PHRF1: variants seen among roughly 807,000 people sequenced by gnomAD.
PHRF1 encodes PHD and RING finger domain-containing protein 1.
In PHRF1, 53 loss-of-function variants were observed where a neutral mutation model predicts 128.9. The ratio of observed to expected loss-of-function variants is 0.41; its 90% CI spans 0.33 to 0.52. The LOEUF (loss-of-function observed/expected upper bound fraction) is 0.52, where lower values mean the gene tolerates loss of function less well. Among genes scored for constraint, PHRF1 ranks in the 20% least tolerant of loss-of-function variants. The pLI, the probability that PHRF1 is intolerant of heterozygous loss-of-function variation, is 0.21. For missense variants in PHRF1, 2,503 were observed against 2,284.5 expected, an observed-to-expected ratio of 1.10 and a Z score of -1.95; for synonymous variants, 1,178 against 980.6, an observed-to-expected ratio of 1.20 and a Z score of -3.76.
At chr11:604,241 C>T (rs1367186827) in intron 10 of PHRF1, among the ~76,000 whole-genome samples, 1 of 152,162 alleles carries the variant, frequency 6.6e-6, no homozygotes, top group East Asian at 1.9e-4. Flanking sequence ...AGCTTTTTGT[C>T]CTGCATGCTG....
rs771944790 is a variant in PHRF1 at position 581,526 on chromosome 11, G to T, written c.14G>T (p.Ser5Ile). 3 of 1,613,640 alleles carry T rather than the reference G, an allele frequency of 1.9e-6. No individual in the cohort carries two copies. The highest frequency in any genetic ancestry group is 1.7e-4 in the Middle Eastern group (1 of 6,060). Residue 5 changes from serine to isoleucine, a missense_variant, in exon 2 of 18, where the codon AGC becomes ATC. Transcript: ENST00000264555. MDDD[S>I]LDELVARSPG... ...CAATGTGCAGCAATGGATGACGACA[G>T]CCTGGATGAGCTTGTGGCCCGGAGC...
At position 606,360 on chromosome 11, in the gene PHRF1, G is replaced by A. The variant is rs73398375; in HGVS notation, c.1455-82G>A. ...CCCAGCCCCACTCTCCCTGGCTCCC[G>A]CCTGCTGCGGGGCTCTGCCTGGGTG... On this transcript the variant is annotated intron_variant, in intron 12 of 17. Transcript: ENST00000264555. 709 of 1,444,818 alleles carry A rather than the reference G, an allele frequency of 4.9e-4. 7 individuals carry two copies. The African/African-American group carries it at 8.7e-3, about 18-fold the overall frequency. 89.5% of individuals were successfully genotyped at this position (1,444,818 alleles called of 1,614,324 possible). A position where few individuals can be genotyped will look rare whatever the true frequency, so the allele number is the denominator to read the frequency against.
At position 608,962 on chromosome 11, in the gene PHRF1, A is replaced by T. The variant is rs1856154631; in HGVS notation, c.3506A>T (p.Glu1169Val). The change falls in exon 14 of 18, where the codon GAG becomes GTG. Residue 1169 changes from glutamate (E) to valine (V), a missense_variant. Coordinates refer to ENST00000264555, the MANE Select transcript of PHRF1 (RefSeq NM_001286581.2). ...CGGAGGTCCCGGTCCCCAAGCTCGG[A>T]GCACAGGGCACGGGAGCACAGGCGG... ...RKRRSRSPSS[E>V]HRAREHRRPR... 5 of 1,610,786 alleles carry T rather than the reference A, an allele frequency of 3.1e-6. No individual in the cohort carries two copies. Among genetic ancestry groups the T allele is most frequent in the Non-Finnish European group, 3.4e-6 (4 of 1,179,282 alleles).
In PHRF1 at chr11:588,631, G is replaced by A. The variant is rs922932466; in HGVS notation, c.420+1167G>A. ...CAACCTCAGGTGATCCACCCGTCTC[G>A]GCCTCCCAAACTGCTGGGATTACAG... is the stretch of plus-strand genomic sequence containing the variant. On this transcript the variant is annotated intron_variant, in intron 4 of 17. Coordinates refer to ENST00000264555, the MANE Select transcript of PHRF1 (RefSeq NM_001286581.2). 2.5e-4 allele frequency among the ~76,000 whole-genome samples: 38 copies of A among 151,872 alleles called. 1 individual carries two copies. The highest frequency in any genetic ancestry group is 2.9e-5 in the Non-Finnish European group (2 of 67,956).
chr11:591,229 G>A (rs542880960), intron 4 of PHRF1, among the ~76,000 whole-genome samples, 155 bp from the exon 5 acceptor site: 1 of 152,180 alleles, frequency 6.6e-6, no homozygotes, highest in Non-Finnish European at 1.5e-5. Context: ...GGCAAGGCTC[G>A]CTGTGCTCCC....
chr11:588,172 G>A (rs551953662), intron 4 of PHRF1, among the ~76,000 whole-genome samples: 3 of 152,216 alleles, frequency 2.0e-5, no homozygotes, highest in Admixed American at 6.5e-5. Flanking sequence ...CTCACCCAGG[G>A]TTCCTAGTGA....
intron 4 of PHRF1, among the ~76,000 whole-genome samples, chr11:587,855 T>C (rs921215579): frequency 1.2e-4 from 19 of 152,326 alleles, no homozygotes; most frequent in African/African-American, 4.6e-4. Flanking sequence ...CGGTACGATT[T>C]GGCATTCATT....
chr11:611,231 C>T (rs1054601046), intron 17 of PHRF1, 149 bp downstream of exon 17: 105 of 1,319,440 alleles, frequency 8.0e-5, no homozygotes, highest in Middle Eastern at 6.4e-4. Context: ...TTGCCACATC[C>T]TGTAGGCCTG....
At chr11:601,450 C>A in intron 9 of PHRF1, 124 bp from the exon 10 acceptor site, 11 of 1,282,374 alleles carry the variant, frequency 8.6e-6, no homozygotes, top group South Asian at 6.1e-5. Flanking sequence ...AAAAAAATTG[C>A]AAGCCGGTGC....
intron 10 of PHRF1, among the ~76,000 whole-genome samples, chr11:602,688 A>G (rs1855697009): frequency 1.3e-5 from 2 of 151,298 alleles, no homozygotes; most frequent in African/African-American, 4.8e-5. Context: ...CCTCAAAAAC[A>G]AAACAAAACA....
At chr11:603,146 C>T (rs1442478769) in intron 10 of PHRF1, among the ~76,000 whole-genome samples, 1 of 152,032 alleles carries the variant, frequency 6.6e-6, no homozygotes, top group African/African-American at 2.4e-5. Flanking sequence ...CCTTGACCTC[C>T]CCAGGCCCAG....
At chr11:587,996 T>C (rs971912438) in intron 4 of PHRF1, among the ~76,000 whole-genome samples, 2 of 152,136 alleles carry the variant, frequency 1.3e-5, no homozygotes, top group African/African-American at 2.4e-5. Context: ...TTCTGAATAT[T>C]GTGAAAAATG....
rs1589882534 is a variant in PHRF1, at chr11:597,284, A to G, written c.719-111A>G. On this transcript the variant is annotated intron_variant, in intron 7 of 17. Coordinates refer to ENST00000264555, the MANE Select transcript of PHRF1 (RefSeq NM_001286581.2). This position sits in a 1 kb window ranked among gnomAD's most constrained non-coding sequence, Gnocchi z 6.5. Reference sequence around the variant, plus strand: ...CCATGAGCAGCCCTGGGTCCTGTGCACAGGTCAGCCCGAGCCAGGGCTGCT... The same window carrying G: ...CCATGAGCAGCCCTGGGTCCTGTGCGCAGGTCAGCCCGAGCCAGGGCTGCT... 3 of 1,370,638 alleles carry G rather than the reference A, an allele frequency of 2.2e-6. No individual in the cohort carries two copies. Among genetic ancestry groups the G allele is most frequent in the Non-Finnish European group, 3.0e-6 (3 of 1,010,936 alleles). 84.9% of individuals were successfully genotyped at this position (1,370,638 alleles called of 1,614,324 possible).
chr11:579,659 G>C (rs540947608), intron 1 of PHRF1, among the ~76,000 whole-genome samples: 3 of 152,354 alleles, frequency 2.0e-5, no homozygotes, highest in Admixed American at 2.0e-4. Context: ...AGCACCAGGG[G>C]TGCAGACTGC....
At chr11:591,528 G>C in intron 5 of PHRF1, 61 bp downstream of exon 5, 2 of 1,375,606 alleles carry the variant, frequency 1.5e-6, no homozygotes, top group South Asian at 1.4e-5. Context: ...CTGTGGGACA[G>C]AGCATGCTTT....
At chr11:599,230 C>G (rs1367656614) in intron 9 of PHRF1, among the ~76,000 whole-genome samples, 2 of 140,950 alleles carry the variant, frequency 1.4e-5, no homozygotes, top group Non-Finnish European at 3.1e-5. Context: ...AGCATGCATA[C>G]TTTTTCTTTT....
rs747937638 is a variant in PHRF1 at position 608,660 on chromosome 11, G to T, written c.3204G>T (p.Lys1068Asn). ...GCAGCCGAGAGCGAGCTAAGAGGAAGAAAGCCAAGGACAAGAGCAGGGAGC... is the reference window on the plus strand; with the variant it reads ...GCAGCCGAGAGCGAGCTAAGAGGAATAAAGCCAAGGACAAGAGCAGGGAGC... ...RSSSRERAKR[K>N]KAKDKSREHR... The change falls in exon 14 of 18, where the codon AAG (lysine) becomes AAT (asparagine). Residue 1068 changes from lysine (K) to asparagine (N), a missense_variant. Transcript: ENST00000264555. The T allele has an allele frequency of 6.2e-7, 1 of 1,612,440 alleles. No individual in the cohort carries two copies. The highest frequency in any genetic ancestry group is 8.5e-7 in the Non-Finnish European group (1 of 1,179,806).
chr11:595,530 G>T (rs1230647982), intron 6 of PHRF1, among the ~76,000 whole-genome samples: 1 of 152,232 alleles, frequency 6.6e-6, no homozygotes, highest in East Asian at 1.9e-4. Context: ...CCCTGTGCAG[G>T]TGGAGCCATG....
chr11:578,478 A>G (rs1415368928), intron 1 of PHRF1, among the ~76,000 whole-genome samples: 1 of 152,166 alleles, frequency 6.6e-6, no homozygotes, highest in Non-Finnish European at 1.5e-5. Context: ...ATTTCTGGCC[A>G]GCTCCTATGT....
Sources: allele counts gnomAD v4.1 joint callset (sites outside exome capture counted in the v4.1 genomes callset), GRCh38; gene constraint gnomAD v4.1.1; non-coding constraint Gnocchi (gnomAD v3.1); transcripts MANE v1.5; gene names NCBI Gene and HGNC (gene_info 2026-07-23, HGNC 2026-07-21).